The following BABAM2 variants were observed in gnomAD, a reference collection of about 807,000 sequenced individuals.
BABAM2 encodes BRISC and BRCA1 A complex member 2.
BABAM2 carries 31 observed loss-of-function variants against 54.7 expected under a neutral mutation model. That is an observed-to-expected ratio of 0.57 (90% confidence interval 0.43 to 0.77). The LOEUF is 0.77. Among genes scored for constraint, BABAM2 ranks in the 30% least tolerant of loss-of-function variants. BABAM2 has a pLI of 0.00. For synonymous variants in BABAM2, 167 were observed against 162.9 expected (o/e 1.03, Z -0.19); for missense variants, 364 against 455.8 (o/e 0.80, Z 1.83).
chr2:27,955,527 T>A (rs746509502), intron 3 of BABAM2, among the ~76,000 whole-genome samples: 1 of 152,248 alleles, frequency 6.6e-6, no homozygotes, highest in Admixed American at 6.5e-5. Context: ...ATCTTTTATA[T>A]CATTTGTAAA....
intron 7 of BABAM2, among the ~76,000 whole-genome samples, chr2:28,230,189 T>C (rs1681244831): frequency 1.3e-5 from 2 of 152,228 alleles, no homozygotes; most frequent in Non-Finnish European, 2.9e-5. Context: ...TCTGATTCCA[T>C]GTGAATACCC....
intron 5 of BABAM2, among the ~76,000 whole-genome samples, chr2:28,040,600 G>A (rs549366301): frequency 7.3e-5 from 11 of 150,892 alleles, no homozygotes; most frequent in African/African-American, 2.2e-4. Flanking sequence ...GCGCCCGGCC[G>A]AAAAACTGAA....
chr2:28,213,311 G>A (rs1679639796), intron 7 of BABAM2, among the ~76,000 whole-genome samples: 1 of 152,070 alleles, frequency 6.6e-6, no homozygotes, highest in Non-Finnish European at 1.5e-5. Flanking sequence ...CACTAAAGAA[G>A]CTACCAAGAA....
chr2:28,103,019 A>C (rs903357189), intron 6 of BABAM2, among the ~76,000 whole-genome samples: 10 of 152,058 alleles, frequency 6.6e-5, no homozygotes, highest in Non-Finnish European at 7.4e-5. Context: ...TTGTTTTATG[A>C]GGAGGGTTTC....
At chr2:28,327,465 C>A in intron 11 of BABAM2, 1 of 1,545,818 alleles carries the variant, frequency 6.5e-7, no homozygotes, top group Non-Finnish European at 8.7e-7. Flanking sequence ...TTTAAAAATA[C>A]CCTGTGATTT....
At chr2:28,213,831 G>A (rs777283746) in intron 7 of BABAM2, among the ~76,000 whole-genome samples, 4 of 151,244 alleles carry the variant, frequency 2.6e-5, no homozygotes, top group Non-Finnish European at 5.9e-5. Context: ...GATATAAAAA[G>A]CCACTTTTTT....
At chr2:27,984,046 T>C (rs1672219405) in intron 3 of BABAM2, among the ~76,000 whole-genome samples, 1 of 149,928 alleles carries the variant, frequency 6.7e-6, no homozygotes, top group Non-Finnish European at 1.5e-5. Context: ...ATTTTTTCAA[T>C]GTTTACCAGT....
chr2:27,961,917 A>G lies in BABAM2; in HGVS notation c.206-26076A>G, dbSNP rs549778453. Among the ~76,000 whole-genome samples, 26 of 151,546 alleles carry G rather than the reference A, an allele frequency of 1.7e-4. No homozygotes were observed. In the South Asian group the frequency reaches 5.0e-3, roughly 29 times the overall value. ...TAATTTTTAAATTTTTTTTGTAGAGATGGGGTCTCACTATGTTGTCCAGGC... is the reference window on the plus strand; with the variant it reads ...TAATTTTTAAATTTTTTTTGTAGAGGTGGGGTCTCACTATGTTGTCCAGGC... On this transcript the variant is annotated intron_variant, in intron 3 of 11. Coordinates refer to ENST00000379624, the MANE Select transcript of BABAM2 (RefSeq NM_199191.3).
intron 3 of BABAM2, among the ~76,000 whole-genome samples, chr2:27,966,564 G>A (rs1670860529): frequency 6.6e-6 from 1 of 152,146 alleles, no homozygotes; most frequent in African/African-American, 2.4e-5. Context: ...TTGCTTTCTG[G>A]CATGACCAGA....
At chr2:27,961,365 C>T (rs931740467) in intron 3 of BABAM2, among the ~76,000 whole-genome samples, 4 of 152,156 alleles carry the variant, frequency 2.6e-5, no homozygotes, top group Non-Finnish European at 5.9e-5. Context: ...ACCCATGCAA[C>T]CATTCTGCTT....
intron 11 of BABAM2, chr2:28,310,099 A>T (rs1244533142): frequency 2.5e-6 from 4 of 1,614,186 alleles, no homozygotes; most frequent in Non-Finnish European, 3.4e-6. Context: ...AGCAACAGAG[A>T]TGGGGAGGAA....
intron 7 of BABAM2, among the ~76,000 whole-genome samples, chr2:28,142,963 T>G (rs1162078621): frequency 6.6e-6 from 1 of 152,162 alleles, no homozygotes; most frequent in East Asian, 1.9e-4. Context: ...CTTTGTTATT[T>G]CCACCCTGGT....
chr2:28,158,788 A>G (rs1672788157), intron 7 of BABAM2, among the ~76,000 whole-genome samples: 1 of 152,160 alleles, frequency 6.6e-6, no homozygotes, highest in Non-Finnish European at 1.5e-5. Flanking sequence ...TACACTTTGA[A>G]TTTTTACACA....
At chr2:28,233,662 A>G (rs1388222684) in intron 7 of BABAM2, among the ~76,000 whole-genome samples, 1 of 152,220 alleles carries the variant, frequency 6.6e-6, no homozygotes, top group African/African-American at 2.4e-5. Flanking sequence ...ATAAAGGGTG[A>G]AATGACGTCC....
intron 11 of BABAM2, 70 bp from the exon 12 acceptor site, chr2:28,338,380 T>G: frequency 1.5e-6 from 2 of 1,338,008 alleles, no homozygotes; most frequent in Non-Finnish European, 2.2e-6. Flanking sequence ...GCTTGAAAGC[T>G]CCCAGTTGCA....
chr2:28,174,780 G>C (rs1674741459), intron 7 of BABAM2, among the ~76,000 whole-genome samples: 1 of 152,104 alleles, frequency 6.6e-6, no homozygotes, highest in African/African-American at 2.4e-5. Context: ...GCTGTAGCGT[G>C]GTACGATTTT....
intron 7 of BABAM2, among the ~76,000 whole-genome samples, chr2:28,209,248 C>T (rs1679203456): frequency 6.6e-6 from 1 of 152,124 alleles, no homozygotes; most frequent in South Asian, 2.1e-4. Flanking sequence ...CTGATTCTTC[C>T]TTAGAGTGGG....
At chr2:28,145,328 G>A (rs1671400901) in intron 7 of BABAM2, among the ~76,000 whole-genome samples, 1 of 152,002 alleles carries the variant, frequency 6.6e-6, no homozygotes, top group South Asian at 2.1e-4. Context: ...TCAGCTATTT[G>A]GCTCCAGCCT....
At chr2:28,225,018 T>G (rs973021258) in intron 7 of BABAM2, among the ~76,000 whole-genome samples, 1 of 152,110 alleles carries the variant, frequency 6.6e-6, no homozygotes, top group East Asian at 1.9e-4. Context: ...GTGAACTGTT[T>G]AGTAACAAGA....
Sources: allele counts gnomAD v4.1 joint callset (sites outside exome capture counted in the v4.1 genomes callset), GRCh38; gene constraint gnomAD v4.1.1; transcripts MANE v1.5; gene names NCBI Gene and HGNC (gene_info 2026-07-23, HGNC 2026-07-21).